ARHGAP44: variants seen among roughly 807,000 people sequenced by gnomAD.
The protein encoded by ARHGAP44 is rho GTPase-activating protein 44.
Under a neutral mutation model 106.8 loss-of-function variants are expected in ARHGAP44, and 43 were observed. That is an observed-to-expected ratio of 0.40 (90% confidence interval 0.32 to 0.52). ARHGAP44 has a LOEUF of 0.52. Ranked by LOEUF, ARHGAP44 falls within the 20% of genes least tolerant of loss-of-function variation. ARHGAP44 has a pLI of 0.48. For missense variants in ARHGAP44, 866 were observed against 1,050.5 expected (o/e 0.82, Z 2.43); for synonymous variants, 439 against 410.3 (o/e 1.07, Z -0.85).
intron 3 of ARHGAP44, among the ~76,000 whole-genome samples, chr17:12,902,491 T>C (rs1299943388): frequency 6.6e-6 from 1 of 152,218 alleles, no homozygotes; most frequent in African/African-American, 2.4e-5. Flanking sequence ...ATTTCCATCA[T>C]TGTGATGGGA....
At chr17:12,918,253 T>TA (rs1307496882) in intron 5 of ARHGAP44, among the ~76,000 whole-genome samples, 1 of 152,198 alleles carries the variant, frequency 6.6e-6, no homozygotes, top group Non-Finnish European at 1.5e-5. Flanking sequence ...TGGGGACAGT[T>TA]ACACTTCTCC....
In ARHGAP44 at chr17:12,980,051, G is replaced by A. The variant is rs758209403; in HGVS notation, c.1764-7G>A. On this transcript the variant is annotated splice_region_variant and splice_polypyrimidine_tract_variant and intron_variant, in intron 18 of 20. Coordinates refer to ENST00000379672, the MANE Select transcript of ARHGAP44 (RefSeq NM_014859.6). ...CTTTTCTTTTGTCTCATGTGCTTTC[G>A]TTTCAGCACAACAAAAAGCAAGGAA... 17 of 1,596,124 alleles carry A rather than the reference G, an allele frequency of 1.1e-5. No homozygotes were observed. In the African/African-American group the frequency reaches 1.4e-4, roughly 13 times the overall value.
chr17:12,974,441 T>A, intron 18 of ARHGAP44, 131 bp downstream of exon 18: 1 of 825,246 alleles, frequency 1.2e-6, no homozygotes, highest in Non-Finnish European at 1.7e-6. Flanking sequence ...CATTCATATT[T>A]GGCTTCTGCG....
At chr17:12,872,324 CT>C (rs2036430195) in intron 1 of ARHGAP44, among the ~76,000 whole-genome samples, 1 of 152,146 alleles carries the variant, frequency 6.6e-6, no homozygotes, top group Non-Finnish European at 1.5e-5. Context: ...GGTTAGTCTG[CT>C]TTCTAAGCCT....
At chr17:12,839,383 C>G (rs1351604685) in intron 1 of ARHGAP44, among the ~76,000 whole-genome samples, 1 of 152,162 alleles carries the variant, frequency 6.6e-6, no homozygotes, top group Non-Finnish European at 1.5e-5. Context: ...GGTCCTTTAC[C>G]ATATCCTGTG....
Position 12,804,154 on chromosome 17 carries a change from G to A in ARHGAP44, c.53+14263G>A, listed in dbSNP as rs188347883. ...CCCTGTCAAAATACAGGTGTTTGCA[G>A]CAATTAGGGTGATTTGCCTCCACGT... is the stretch of plus-strand genomic sequence containing the variant. On this transcript the variant is annotated intron_variant, in intron 1 of 20. Coordinates refer to ENST00000379672, the MANE Select transcript of ARHGAP44 (RefSeq NM_014859.6). 6.8e-3 allele frequency among the ~76,000 whole-genome samples: 1,037 copies of A among 152,288 alleles called. 14 individuals are homozygous for A. Among genetic ancestry groups the A allele is most frequent in the Non-Finnish European group, 8.3e-3 (566 of 68,026 alleles).
chr17:12,868,878 G>T (rs1012987552), intron 1 of ARHGAP44, among the ~76,000 whole-genome samples: 2 of 151,216 alleles, frequency 1.3e-5, no homozygotes, highest in Non-Finnish European at 2.9e-5. Context: ...GGCTGGTCTG[G>T]AACTCCTGAC....
chr17:12,895,054 C>A (rs2037161895), intron 2 of ARHGAP44, 75 bp downstream of exon 2: 1 of 1,429,502 alleles, frequency 7.0e-7, no homozygotes, highest in African/African-American at 1.4e-5. Context: ...TTGCTTGAAC[C>A]CAGGAGGTGG....
chr17:12,989,930 G>A, intron 20 of ARHGAP44, 102 bp from the exon 21 acceptor site: 1 of 1,493,608 alleles, frequency 6.7e-7, no homozygotes. Flanking sequence ...CCCTAGAATA[G>A]CAGCACCCCT....
At chr17:12,905,854 C>T (rs751776646) in intron 3 of ARHGAP44, among the ~76,000 whole-genome samples, 11 of 152,180 alleles carry the variant, frequency 7.2e-5, no homozygotes, top group East Asian at 3.9e-4. Flanking sequence ...ATACTATGAT[C>T]GTACCATCTG....
intron 3 of ARHGAP44, among the ~76,000 whole-genome samples, chr17:12,902,537 G>A (rs1283570657): frequency 3.9e-5 from 6 of 152,090 alleles, no homozygotes; most frequent in East Asian, 1.9e-4. Flanking sequence ...TCCGTTCTCC[G>A]TGCCTAAAAA....
At chr17:12,916,364 G>C (rs375303258) in intron 5 of ARHGAP44, among the ~76,000 whole-genome samples, 12 of 151,940 alleles carry the variant, frequency 7.9e-5, no homozygotes, top group African/African-American at 1.2e-4. Flanking sequence ...CTAGGATTCT[G>C]GGGGCCCAGG....
At chr17:12,802,927 TTA>T (rs1159214788) in intron 1 of ARHGAP44, among the ~76,000 whole-genome samples, 478 of 29,218 alleles carry the variant, frequency 0.016, 3 homozygotes, top group Non-Finnish European at 0.02. Flanking sequence ...CCTGGCTAAT[TTA>T]TATATATATA....
chr17:12,797,014 T>C (rs1040985954), intron 1 of ARHGAP44, among the ~76,000 whole-genome samples: 3 of 152,156 alleles, frequency 2.0e-5, no homozygotes, highest in East Asian at 1.9e-4. Flanking sequence ...TGTTTTCTTA[T>C]TGATGTTAAG....
chr17:12,895,053 C>G, intron 2 of ARHGAP44, 74 bp downstream of exon 2: 1 of 1,433,160 alleles, frequency 7.0e-7, no homozygotes, highest in Admixed American at 2.0e-5. Flanking sequence ...ATTGCTTGAA[C>G]CCAGGAGGTG....
In ARHGAP44 at chr17:12,990,233, G is replaced by C. The variant is rs1375330298; in HGVS notation, c.*62G>C. The C allele has an allele frequency of 1.9e-6, 3 of 1,559,680 alleles. No individual in the cohort carries two copies. Among genetic ancestry groups the C allele is most frequent in the Non-Finnish European group, 2.6e-6 (3 of 1,144,216 alleles). On this transcript the variant is annotated 3_prime_UTR_variant, in exon 21 of 21. Transcript: ENST00000379672. ...TCACGGGCCCTAGGAACGCCGCCAG[G>C]AGCAGCGTCCATGAGCTTGCCAAGT...
intron 10 of ARHGAP44, among the ~76,000 whole-genome samples, chr17:12,947,163 T>C (rs1200587884): frequency 6.6e-6 from 1 of 152,198 alleles, no homozygotes; most frequent in Non-Finnish European, 1.5e-5. Flanking sequence ...TCCTGCATCT[T>C]TGCCACCACC....
chr17:12,942,366 G>A (rs2038734245), intron 8 of ARHGAP44, among the ~76,000 whole-genome samples: 1 of 152,090 alleles, frequency 6.6e-6, no homozygotes. Flanking sequence ...AGGCTGGTCT[G>A]GAACTCCTGA....
chr17:12,797,623 T>C (rs1334784412), intron 1 of ARHGAP44, among the ~76,000 whole-genome samples: 2 of 152,178 alleles, frequency 1.3e-5, no homozygotes, highest in East Asian at 1.9e-4. Context: ...TTCCTGGGTC[T>C]TTAGAGCACA....
Sources: gnomAD v4.1 joint callset for allele counts (sites outside exome capture counted in the v4.1 genomes callset) on GRCh38, gnomAD v4.1.1 for gene constraint, MANE v1.5 for transcripts, NCBI Gene and HGNC (gene_info 2026-07-23, HGNC 2026-07-21) for gene names.